XNDC1N: variants seen among roughly 807,000 people sequenced by gnomAD.
XNDC1N encodes protein XNDC1N.
the XNDC1N span, chr11:71,893,811 C>T: frequency 9.6e-7 from 1 of 1,036,850 alleles, no homozygotes. Context: ...AAGGCATGCT[C>T]CTGACTGTGA....
chr11:71,891,975 G>A, the XNDC1N span, among the ~76,000 whole-genome samples: 6 of 151,842 alleles, frequency 4.0e-5, no homozygotes, highest in African/African-American at 1.5e-4. Flanking sequence ...CCCGGCGGGA[G>A]GTGGTACACC....
chr11:71,890,969 A>G, the XNDC1N span, among the ~76,000 whole-genome samples: 1 of 151,948 alleles, frequency 6.6e-6, no homozygotes, highest in Non-Finnish European at 1.5e-5. Context: ...TGGGAACAAC[A>G]TCACAGGAGG....
the XNDC1N span, among the ~76,000 whole-genome samples, chr11:71,904,981 G>A: frequency 6.6e-6 from 1 of 151,850 alleles, no homozygotes; most frequent in Non-Finnish European, 1.5e-5. Context: ...ATCCCCCAAG[G>A]ATATAACGAA....
the XNDC1N span, among the ~76,000 whole-genome samples, chr11:71,919,895 G>T: frequency 7.0e-6 from 1 of 143,274 alleles, no homozygotes; most frequent in Non-Finnish European, 1.5e-5. Flanking sequence ...GGGATTACAG[G>T]CGTGAGCCAC....
At chr11:71,888,464 G>A in the XNDC1N span, among the ~76,000 whole-genome samples, 8 of 152,184 alleles carry the variant, frequency 5.3e-5, no homozygotes, top group Admixed American at 5.2e-4. Context: ...GCTTTCATGA[G>A]TTAAAGGAAA....
the XNDC1N span, among the ~76,000 whole-genome samples, chr11:71,904,758 C>T: frequency 6.6e-6 from 1 of 151,992 alleles, no homozygotes; most frequent in Non-Finnish European, 1.5e-5. Context: ...GTAATATTCC[C>T]CTAGGATATT....
At chr11:71,878,796 G>T in the XNDC1N span, among the ~76,000 whole-genome samples, 2 of 151,700 alleles carry the variant, frequency 1.3e-5, no homozygotes, top group Non-Finnish European at 2.9e-5. Flanking sequence ...GACCAGCCCG[G>T]TGGGGGCAAC....
At chr11:71,872,370 C>T in the XNDC1N span, among the ~76,000 whole-genome samples, 3 of 152,252 alleles carry the variant, frequency 2.0e-5, no homozygotes, top group East Asian at 5.8e-4. Context: ...AATACACTAC[C>T]CCTGTGAAAT....
At chr11:71,876,014 G>A in the XNDC1N span, among the ~76,000 whole-genome samples, 1 of 152,136 alleles carries the variant, frequency 6.6e-6, no homozygotes, top group Non-Finnish European at 1.5e-5. Context: ...GACAGAGTAA[G>A]ACTCTGTCTC....
At chr11:71,891,367 C>T in the XNDC1N span, among the ~76,000 whole-genome samples, 16 of 152,066 alleles carry the variant, frequency 1.1e-4, no homozygotes, top group Non-Finnish European at 1.6e-4. Context: ...GTGTTCACCC[C>T]CTGCGATATT....
the XNDC1N span, among the ~76,000 whole-genome samples, chr11:71,871,380 A>G: frequency 6.6e-6 from 1 of 152,206 alleles, no homozygotes; most frequent in African/African-American, 2.4e-5. Flanking sequence ...TGGGGATGGT[A>G]AAGGGATAAG....
At chr11:71,885,501 G>A in the XNDC1N span, among the ~76,000 whole-genome samples, 2 of 152,120 alleles carry the variant, frequency 1.3e-5, no homozygotes, top group South Asian at 2.1e-4. Flanking sequence ...TGCACACCCA[G>A]TGCTATATTG....
the XNDC1N span, among the ~76,000 whole-genome samples, chr11:71,875,955 G>A: frequency 6.6e-6 from 1 of 152,190 alleles, no homozygotes; most frequent in African/African-American, 2.4e-5. Context: ...GAACCTGGAG[G>A]TGGAGGTTGC....
chr11:71,906,591 C>T, the XNDC1N span, among the ~76,000 whole-genome samples: 1 of 152,026 alleles, frequency 6.6e-6, no homozygotes, highest in Non-Finnish European at 1.5e-5. Flanking sequence ...AGTGAACTCC[C>T]GCTGGGATAT....
chr11:71,869,996 G>C, the XNDC1N span, among the ~76,000 whole-genome samples: 1 of 152,150 alleles, frequency 6.6e-6, no homozygotes. Flanking sequence ...ACATTGTTAG[G>C]CTGGGGAGGC....
At chr11:71,904,117 G>A in the XNDC1N span, 7,315 of 502,406 alleles carry the variant, frequency 0.015, 110 homozygotes, top group Non-Finnish European at 0.02. Context: ...CAGCAGCGCA[G>A]TCTAATCTCA....
At chr11:71,878,620 C>T in the XNDC1N span, 1 of 1,094,652 alleles carries the variant, frequency 9.1e-7, no homozygotes, top group Non-Finnish European at 1.3e-6. Context: ...TTTACTGTAC[C>T]ATGAAGGCTG....
chr11:71,908,587 C>G, the XNDC1N span, among the ~76,000 whole-genome samples: 15 of 152,198 alleles, frequency 9.9e-5, no homozygotes, highest in East Asian at 9.6e-4. Context: ...TGGTCACGTG[C>G]TGGAGAGGCG....
chr11:71,908,248 A>T, the XNDC1N span, among the ~76,000 whole-genome samples: 1 of 151,918 alleles, frequency 6.6e-6, no homozygotes, highest in Non-Finnish European at 1.5e-5. Context: ...ATTAATATTA[A>T]TAATTATTAG....
Sources: allele counts gnomAD v4.1 joint callset (sites outside exome capture counted in the v4.1 genomes callset), GRCh38; gene constraint gnomAD v4.1.1; transcripts MANE v1.5; gene names NCBI Gene and HGNC (gene_info 2026-07-23, HGNC 2026-07-21).